Variants in ADAMTS17 observed in about 807,000 individuals in gnomAD.
ADAMTS17 encodes A disintegrin and metalloproteinase with thrombospondin motifs 17.
In ADAMTS17, 113 loss-of-function variants were observed where a neutral mutation model predicts 141.5. That is an observed-to-expected ratio of 0.80 (90% CI 0.69 to 0.93). ADAMTS17 has a LOEUF of 0.93. Ranked by LOEUF, ADAMTS17 falls within the 40% of genes least tolerant of loss-of-function variation. The pLI is 0.00. For synonymous variants in ADAMTS17, 768 were observed against 630.6 expected (o/e 1.22, Z -3.27); for missense variants, 1,659 against 1,517.9 (o/e 1.09, Z -1.54).
chr15:100,129,057 C>T (rs990967441), intron 12 of ADAMTS17: 1 of 152,212 alleles, frequency 6.6e-6, no homozygotes, highest in Non-Finnish European at 1.5e-5. Flanking sequence ...GTTGCCCTCG[C>T]CTAGAGACAA....
Position 100,037,417 on chromosome 15 carries a change from T to C in ADAMTS17, c.2591+11440A>G, listed in dbSNP as rs373016238. Among the ~76,000 whole-genome samples the C allele has an allele frequency of 2.6e-3, 400 of 151,404 alleles. 1 individual carries two copies. The highest frequency in any genetic ancestry group is 8.2e-3 in the African/African-American group (336 of 40,870). The stretch of plus-strand genomic sequence containing the variant: ...CTTTAGGTATTCCTTTTTTTTTTTT[T>C]TTCTTCTTTTTGAGACAGAGTCTCA... On this transcript the variant is annotated intron_variant, in intron 18 of 21. Transcript: ENST00000268070.
At chr15:100,259,296 C>T (rs1036390623) in intron 6 of ADAMTS17, among the ~76,000 whole-genome samples, 2 of 152,226 alleles carry the variant, frequency 1.3e-5, no homozygotes, top group Admixed American at 6.5e-5. Context: ...CTCTTGCTTG[C>T]TCCCTAAATC....
At chr15:100,177,861 G>T (rs866416557) in intron 8 of ADAMTS17, among the ~76,000 whole-genome samples, 1 of 152,040 alleles carries the variant, frequency 6.6e-6, no homozygotes, top group Non-Finnish European at 1.5e-5. Flanking sequence ...ATACGTTAAA[G>T]GTTGTTGTAT....
intron 18 of ADAMTS17, among the ~76,000 whole-genome samples, chr15:100,031,074 T>G (rs2030114699): frequency 6.6e-6 from 1 of 152,212 alleles, no homozygotes; most frequent in South Asian, 2.1e-4. Context: ...AAGACTTCTA[T>G]GACAGATGTT....
intron 5 of ADAMTS17, among the ~76,000 whole-genome samples, chr15:100,261,909 C>T (rs140041647): frequency 6.6e-6 from 1 of 152,294 alleles, no homozygotes; most frequent in East Asian, 1.9e-4. Context: ...CCAAACCAAG[C>T]GATGCTCCCT....
At chr15:100,031,519 T>C (rs1296391066) in intron 18 of ADAMTS17, among the ~76,000 whole-genome samples, 1 of 152,184 alleles carries the variant, frequency 6.6e-6, no homozygotes, top group Non-Finnish European at 1.5e-5. Flanking sequence ...ATGATTTAAC[T>C]AGAAGACAAT....
intron 15 of ADAMTS17, among the ~76,000 whole-genome samples, chr15:100,067,433 C>A (rs557299100): frequency 6.6e-6 from 1 of 152,216 alleles, no homozygotes; most frequent in Non-Finnish European, 1.5e-5. Flanking sequence ...TTTCTAAGCA[C>A]GGATAACAGG....
intron 3 of ADAMTS17, among the ~76,000 whole-genome samples, chr15:100,318,790 A>T (rs925734871): frequency 6.6e-6 from 1 of 152,236 alleles, no homozygotes; most frequent in Non-Finnish European, 1.5e-5. Flanking sequence ...GTTGGGCTCA[A>T]ATATTGGCCT....
intron 4 of ADAMTS17, among the ~76,000 whole-genome samples, chr15:100,267,155 A>C (rs11247174): frequency 0.6 from 91,172 of 151,506 alleles, 28,267 homozygotes; most frequent in East Asian, 0.86. Context: ...ACTAACTCCC[A>C]CTGCCCCCCA....
At chr15:100,056,415 A>G (rs1181215452) in intron 15 of ADAMTS17, among the ~76,000 whole-genome samples, 1 of 118,184 alleles carries the variant, frequency 8.5e-6, no homozygotes, top group Non-Finnish European at 1.7e-5. Context: ...GTGGAAGGCA[A>G]TTTTTCCACA....
In ADAMTS17 at chr15:100,169,189, C is replaced by T. The variant is rs145603036; in HGVS notation, c.1182-13869G>A. ...CCTGAACAGATACCCTAAATTTCTTCCATTCATGCTCTTATCCATCCACCA... is the reference window on the plus strand; with the variant it reads ...CCTGAACAGATACCCTAAATTTCTTTCATTCATGCTCTTATCCATCCACCA... On this transcript the variant is annotated intron_variant, in intron 8 of 21. Transcript: ENST00000268070. Among the ~76,000 whole-genome samples, 732 of 152,336 alleles carry T rather than the reference C, an allele frequency of 4.8e-3. 7 individuals carry two copies. The highest frequency in any genetic ancestry group is 0.017 in the African/African-American group (706 of 41,568).
At chr15:100,295,500 C>T (rs2044777170) in intron 3 of ADAMTS17, among the ~76,000 whole-genome samples, 1 of 152,172 alleles carries the variant, frequency 6.6e-6, no homozygotes, top group Non-Finnish European at 1.5e-5. Flanking sequence ...AGGACCCAGC[C>T]TCCCCATGCT....
At chr15:100,263,789 G>A (rs1170912505) in intron 4 of ADAMTS17, among the ~76,000 whole-genome samples, 4 of 152,252 alleles carry the variant, frequency 2.6e-5, no homozygotes, top group Admixed American at 6.5e-5. Context: ...ACATAACCCA[G>A]GAGGGAGAAT....
In ADAMTS17 at chr15:100,066,460, T is replaced by G. The variant is rs907274619; in HGVS notation, c.2138-12406A>C. 3.9e-4 allele frequency among the ~76,000 whole-genome samples: 59 copies of G among 152,150 alleles called. 2 individuals are homozygous for G. Among genetic ancestry groups the G allele is most frequent in the Non-Finnish European group, 1.6e-4 (11 of 68,022 alleles). On this transcript the variant is annotated intron_variant, in intron 15 of 21. Coordinates refer to ENST00000268070, the MANE Select transcript of ADAMTS17 (RefSeq NM_139057.4). ...ACATTTATCATTTTTTTCTCACCAT[T>G]TCTTCCCCACATCAGACCATTCTTC...
intron 13 of ADAMTS17, among the ~76,000 whole-genome samples, chr15:100,109,489 G>A (rs1465861282): frequency 6.6e-6 from 1 of 150,716 alleles, no homozygotes; most frequent in East Asian, 1.9e-4. Context: ...TGTGAAGGGA[G>A]GGGGAGGGGA....
chr15:99,988,835 T>A (rs1039158201), intron 20 of ADAMTS17, among the ~76,000 whole-genome samples: 9 of 152,198 alleles, frequency 5.9e-5, no homozygotes, highest in African/African-American at 2.2e-4. Context: ...GGAAGGCTCA[T>A]GGGCTGAGTG....
At chr15:100,174,874 A>G (rs1374444726) in intron 8 of ADAMTS17, among the ~76,000 whole-genome samples, 1 of 152,194 alleles carries the variant, frequency 6.6e-6, no homozygotes, top group Non-Finnish European at 1.5e-5. Flanking sequence ...AAGACAGGAA[A>G]AGGGGCTCTT....
chr15:100,225,725 G>A (rs556259055), intron 7 of ADAMTS17, among the ~76,000 whole-genome samples: 118 of 149,864 alleles, frequency 7.9e-4, no homozygotes, highest in South Asian at 1.5e-3. Flanking sequence ...GAGCAGTCAT[G>A]GTCTCTGTGC....
intron 7 of ADAMTS17, among the ~76,000 whole-genome samples, chr15:100,226,887 C>T (rs1276662022): frequency 1.3e-5 from 2 of 152,156 alleles, no homozygotes; most frequent in African/African-American, 4.8e-5. Context: ...TGCTAATAAT[C>T]AACTGTTCTG....
Sources: gnomAD v4.1 joint callset for allele counts (sites outside exome capture counted in the v4.1 genomes callset) on GRCh38, gnomAD v4.1.1 for gene constraint, MANE v1.5 for transcripts, NCBI Gene and HGNC (gene_info 2026-07-23, HGNC 2026-07-21) for gene names.